Variants in CSMD1 observed in about 807,000 individuals in gnomAD.
The protein encoded by CSMD1 is CUB and sushi domain-containing protein 1.
In CSMD1, 213 loss-of-function variants were observed where a neutral mutation model predicts 417.5. That is an observed-to-expected ratio of 0.51 (90% confidence interval 0.46 to 0.57). The LOEUF (loss-of-function observed/expected upper bound fraction) is 0.57. Ranked by LOEUF, CSMD1 falls within the 20% of genes least tolerant of loss-of-function variation. CSMD1 has a pLI of 0.00. For missense variants in CSMD1, 6,923 were observed against 4,529.7 expected (o/e 1.53, Z -15.17); for synonymous variants, 2,862 against 1,736.8 (o/e 1.65, Z -16.11).
In CSMD1 at chr8:4,312,427, A is replaced by ATATATATATGCGTATATATATACG. The variant is rs1187221056; in HGVS notation, c.415+107502_415+107525dup. Among the ~76,000 whole-genome samples, 39 of 138,910 alleles carry ATATATATATGCGTATATATATACG rather than the reference A, an allele frequency of 2.8e-4. 7 individuals are homozygous for ATATATATATGCGTATATATATACG. The highest frequency in any genetic ancestry group is 1.2e-3 in the African/African-American group (38 of 32,722). 91.1% of individuals were successfully genotyped at this position (138,910 alleles called of 152,430 possible). A position where few individuals can be genotyped will look rare whatever the true frequency, so the allele number is the denominator to read the frequency against. Reference sequence around the variant, plus strand: ...TATATGCGTGTATATATATGCGCGTATATATATATGCGTATATATATACGT... The same window carrying ATATATATATGCGTATATATATACG: ...TATATGCGTGTATATATATGCGCGTATATATATATGCGTATATATATACGTATATATATGCGTATATATATACGT... On this transcript the variant is annotated intron_variant, in intron 3 of 69. Transcript: ENST00000635120.
At chr8:4,574,659 T>C (rs1799051835) in intron 2 of CSMD1, among the ~76,000 whole-genome samples, 1 of 152,174 alleles carries the variant, frequency 6.6e-6, no homozygotes, top group Non-Finnish European at 1.5e-5. Flanking sequence ...ATTCTGAATC[T>C]TTGAATTAGC....
chr8:3,443,746 G>A (rs540350239), intron 12 of CSMD1, among the ~76,000 whole-genome samples: 3 of 152,192 alleles, frequency 2.0e-5, no homozygotes, highest in African/African-American at 7.2e-5. Flanking sequence ...GCAATGGACA[G>A]CTTTAAAGGA....
At chr8:3,106,832 T>G in intron 45 of CSMD1, 191 bp from the exon 46 acceptor site, 2 of 475,126 alleles carry the variant, frequency 4.2e-6, no homozygotes, top group African/African-American at 2.0e-5. Flanking sequence ...AATGCTCTAT[T>G]AAGCTTAGCC....
chr8:4,446,769 G>GTGTGTGTC (rs1473543916), intron 2 of CSMD1, among the ~76,000 whole-genome samples: 4 of 132,956 alleles, frequency 3.0e-5, no homozygotes, highest in African/African-American at 1.4e-4. Flanking sequence ...GTGTGTGTGT[G>GTGTGTGTC]TGTGTGTGTG....
At chr8:3,957,096 G>T (rs1391192301) in intron 5 of CSMD1, among the ~76,000 whole-genome samples, 1 of 150,876 alleles carries the variant, frequency 6.6e-6, no homozygotes, top group African/African-American at 2.4e-5. Context: ...TATGTCTTTG[G>T]AAACTATTTC....
chr8:3,799,117 A>G (rs926822442), intron 5 of CSMD1, among the ~76,000 whole-genome samples: 3 of 152,138 alleles, frequency 2.0e-5, no homozygotes, highest in African/African-American at 7.2e-5. Context: ...AATTTGCTAC[A>G]TAGTTTAATA....
At chr8:4,263,390 T>G (rs983613843) in intron 3 of CSMD1, among the ~76,000 whole-genome samples, 1 of 152,228 alleles carries the variant, frequency 6.6e-6, no homozygotes, top group African/African-American at 2.4e-5. Context: ...AAACCTGCTT[T>G]GACCACATTT....
At chr8:4,787,491 T>G in intron 1 of CSMD1, 2 of 886,178 alleles carry the variant, frequency 2.3e-6, no homozygotes, top group South Asian at 1.4e-5. Context: ...TCAAAGAAAA[T>G]CACCAGTTGT....
chr8:3,284,658 C>A lies in CSMD1; in HGVS notation c.3951-312G>T, dbSNP rs116225160. On this transcript the variant is annotated intron_variant, in intron 25 of 69. Transcript: ENST00000635120. ...CTTCCAGATCTCTGTATAATTTAAG[C>A]TTTCTACGGCACACAAACCAAATAT... 1,182 of 304,262 alleles carry A rather than the reference C, an allele frequency of 3.9e-3. 12 individuals carry two copies. The highest frequency in any genetic ancestry group is 0.024 in the African/African-American group (1,109 of 46,738). 18.8% of individuals were successfully genotyped at this position (304,262 alleles called of 1,614,324 possible).
At chr8:4,776,190 G>A (rs1391263764) in intron 1 of CSMD1, among the ~76,000 whole-genome samples, 2 of 152,078 alleles carry the variant, frequency 1.3e-5, no homozygotes, top group South Asian at 2.1e-4. Flanking sequence ...AAGAGAGCCT[G>A]TTCCCATGGT....
At chr8:3,659,634 G>A (rs1215248216) in intron 7 of CSMD1, among the ~76,000 whole-genome samples, 1 of 152,136 alleles carries the variant, frequency 6.6e-6, no homozygotes, top group South Asian at 2.1e-4. Context: ...AAGGGTAGTG[G>A]TGATGTGGCA....
intron 5 of CSMD1, among the ~76,000 whole-genome samples, chr8:3,950,311 A>C (rs1811519902): frequency 6.6e-6 from 1 of 152,208 alleles, no homozygotes; most frequent in Non-Finnish European, 1.5e-5. Context: ...CCAGTTTGAT[A>C]GTTTCCAAGT....
At chr8:3,525,731 C>T (rs1026878) in intron 10 of CSMD1, among the ~76,000 whole-genome samples, 21,149 of 152,038 alleles carry the variant, frequency 0.14, 1,846 homozygotes, top group East Asian at 0.36. Context: ...ACCTAGTTGT[C>T]GCAATGTACT....
intron 1 of CSMD1, among the ~76,000 whole-genome samples, chr8:4,735,343 A>G (rs139463757): frequency 6.6e-6 from 1 of 152,292 alleles, no homozygotes; most frequent in African/African-American, 2.4e-5. Context: ...CAGGATCTAA[A>G]CCTGGATTTT....
chr8:4,859,125 A>G (rs1483943762), intron 1 of CSMD1, among the ~76,000 whole-genome samples: 1 of 152,138 alleles, frequency 6.6e-6, no homozygotes, highest in Non-Finnish European at 1.5e-5. Flanking sequence ...ATCTGCAACT[A>G]TCTGATCTTT....
At chr8:4,788,930 G>C (rs567162125) in intron 1 of CSMD1, among the ~76,000 whole-genome samples, 3 of 152,270 alleles carry the variant, frequency 2.0e-5, no homozygotes, top group East Asian at 3.9e-4. Context: ...ATATGAGAAG[G>C]ACAGACTGTA....
intron 3 of CSMD1, among the ~76,000 whole-genome samples, chr8:4,144,673 C>T (rs1288700626): frequency 6.6e-6 from 1 of 150,976 alleles, no homozygotes; most frequent in South Asian, 2.1e-4. Context: ...ACCTCTATGT[C>T]CCGACTGTGC....
At chr8:4,529,251 G>A (rs547687892) in intron 2 of CSMD1, among the ~76,000 whole-genome samples, 15 of 152,166 alleles carry the variant, frequency 9.9e-5, no homozygotes, top group South Asian at 8.3e-4. Context: ...TATTCTGTTC[G>A]GAGTGGACAA....
intron 1 of CSMD1, among the ~76,000 whole-genome samples, chr8:4,831,207 T>C (rs1202501267): frequency 1.3e-5 from 2 of 152,210 alleles, no homozygotes; most frequent in Admixed American, 6.5e-5. Flanking sequence ...CAGATGTCCT[T>C]TCATTTTCCA....
Sources: gnomAD v4.1 joint callset for allele counts (sites outside exome capture counted in the v4.1 genomes callset) on GRCh38, gnomAD v4.1.1 for gene constraint, MANE v1.5 for transcripts, NCBI Gene and HGNC (gene_info 2026-07-23, HGNC 2026-07-21) for gene names.